TRIO: variants seen among roughly 807,000 people sequenced by gnomAD.
TRIO encodes trio Rho guanine nucleotide exchange factor.
A neutral mutation model predicts 351.9 loss-of-function variants in TRIO; 58 were observed. The observed-to-expected ratio is 0.16, with a 90% confidence interval of 0.13 to 0.21. The LOEUF is 0.21. Ranked by LOEUF, TRIO falls within the 10% of genes least tolerant of loss-of-function variation. The pLI, the probability that TRIO is intolerant of heterozygous loss-of-function variation, is 1.00. For synonymous variants in TRIO, 1,758 were observed against 1,595.7 expected (o/e 1.10, Z -2.42); for missense variants, 3,201 against 4,027.8 (o/e 0.79, Z 5.56).
At chr5:14,240,614 T>C (rs115580516) in intron 1 of TRIO, among the ~76,000 whole-genome samples, 259 of 152,348 alleles carry the variant, frequency 1.7e-3, no homozygotes, top group African/African-American at 5.9e-3. Context: ...CCCTTTCAGC[T>C]GCAGGGAGTG....
At position 14,485,988 on chromosome 5, in the gene TRIO, C is replaced by CA. The variant is rs376098052; in HGVS notation, c.6835+755dup. The stretch of plus-strand genomic sequence containing the variant: ...GGGCAACAAGAGTGAAACTCTGTCT[C>CA]AAAAAAAAAAAAAGAGACGGTTCAG... On this transcript the variant is annotated intron_variant, in intron 47 of 56. Coordinates refer to ENST00000344204, the MANE Select transcript of TRIO (RefSeq NM_007118.4). Among the ~76,000 whole-genome samples, 504 of 138,932 alleles carry CA rather than the reference C, an allele frequency of 3.6e-3. 1 individual carries two copies. The highest frequency in any genetic ancestry group is 6.7e-3 in the East Asian group (32 of 4,768). 91.1% of individuals were successfully genotyped at this position (138,932 alleles called of 152,430 possible).
chr5:14,498,249 C>T lies in TRIO; in HGVS notation c.8208C>T (p.Tyr2736=), dbSNP rs748349042. ...ACGATGGTCACTACAGCATCTCCTA[C>T]AGGTGAGGGAGGCCCACTCCTGGTG... ...LNNDGHYSIS[Y]SDLGEATLKI... Residue 2736 remains tyrosine, a splice_region_variant and synonymous_variant, in exon 52 of 57, where the codon TAC becomes TAT. Transcript: ENST00000344204. 3 of 1,613,906 alleles carry T rather than the reference C, an allele frequency of 1.9e-6. No homozygotes were observed. The highest frequency in any genetic ancestry group is 2.2e-5 in the South Asian group (2 of 91,072).
chr5:14,374,429 T>C lies in TRIO; in HGVS notation c.3331+86T>C, dbSNP rs557540106. Reference sequence around the variant, plus strand: ...AGCCTGCACGTTGTGTTCTGAACTCTCAACTTCAGTTTCATTTTAAATGTC... The same window carrying C: ...AGCCTGCACGTTGTGTTCTGAACTCCCAACTTCAGTTTCATTTTAAATGTC... On this transcript the variant is annotated intron_variant, in intron 19 of 56. Coordinates refer to ENST00000344204, the MANE Select transcript of TRIO (RefSeq NM_007118.4). The C allele has an allele frequency of 2.8e-5, 24 of 854,210 alleles. No homozygotes were observed. In the African/African-American group the frequency reaches 3.5e-4, roughly 12 times the overall value. 52.9% of individuals were successfully genotyped at this position (854,210 alleles called of 1,614,324 possible).
intron 34 of TRIO, among the ~76,000 whole-genome samples, chr5:14,449,333 A>G (rs531578259): frequency 5.8e-4 from 88 of 152,298 alleles, no homozygotes; most frequent in African/African-American, 2.1e-3. Flanking sequence ...GAAGCAGAGA[A>G]AGTCCCATGG....
chr5:14,305,749 C>T (rs1738307420), intron 8 of TRIO, among the ~76,000 whole-genome samples: 1 of 152,184 alleles, frequency 6.6e-6, no homozygotes, highest in Non-Finnish European at 1.5e-5. Context: ...ATCCTAGTGT[C>T]CCTGAGCGAA....
At chr5:14,410,514 G>T (rs531101745) in intron 33 of TRIO, among the ~76,000 whole-genome samples, 2 of 152,190 alleles carry the variant, frequency 1.3e-5, no homozygotes, top group Non-Finnish European at 2.9e-5. Context: ...TCTGCCCTAC[G>T]TAGTTTAAGT....
At chr5:14,251,822 A>G (rs1156589808) in intron 1 of TRIO, among the ~76,000 whole-genome samples, 2 of 152,206 alleles carry the variant, frequency 1.3e-5, no homozygotes, top group African/African-American at 2.4e-5. Flanking sequence ...CCATGGGATC[A>G]GGAACAGATT....
chr5:14,380,273 T>G (rs1745960058), intron 20 of TRIO, among the ~76,000 whole-genome samples: 1 of 27,534 alleles, frequency 3.6e-5, no homozygotes, highest in Non-Finnish European at 7.5e-5. Flanking sequence ...GCGCCCCGCC[T>G]CCTCCTTCGC....
At chr5:14,221,758 T>C in intron 1 of TRIO, among the ~76,000 whole-genome samples, 1 of 151,892 alleles carries the variant, frequency 6.6e-6, no homozygotes, top group Non-Finnish European at 1.5e-5. Context: ...AAGAAAGTGG[T>C]TTTTTGAGAT....
At chr5:14,379,661 C>T (rs1221303590) in intron 20 of TRIO, among the ~76,000 whole-genome samples, 1 of 152,236 alleles carries the variant, frequency 6.6e-6, no homozygotes, top group Non-Finnish European at 1.5e-5. Flanking sequence ...TCTTTTCTCA[C>T]ATAACTTTAT....
rs60827656 is a variant in TRIO, at chr5:14,202,294, A to ATTTTTTTT, written c.157+58441_157+58448dup. 7.4e-4 allele frequency among the ~76,000 whole-genome samples: 25 copies of ATTTTTTTT among 33,558 alleles called. 1 individual carries two copies. The highest frequency in any genetic ancestry group is 9.4e-4 in the Admixed American group (2 of 2,134). 22.0% of individuals were successfully genotyped at this position (33,558 alleles called of 152,430 possible). A position where few individuals can be genotyped will look rare whatever the true frequency, so the allele number is the denominator to read the frequency against. ...TTAAAACATTTTGAATATTTTTGTG[A>ATTTTTTTT]TTTTTTTTTTTTTTTTTTTTTTTTT... On this transcript the variant is annotated intron_variant, in intron 1 of 56. Coordinates refer to ENST00000344204, the MANE Select transcript of TRIO (RefSeq NM_007118.4).
chr5:14,174,820 T>G (rs1789310896), intron 1 of TRIO, among the ~76,000 whole-genome samples: 1 of 152,216 alleles, frequency 6.6e-6, no homozygotes, highest in African/African-American at 2.4e-5. Flanking sequence ...TTCGTGGATC[T>G]CAATAAAATT....
chr5:14,143,776 C>T lies in TRIO; in HGVS notation c.51C>T (p.Pro17=). 9.9e-7 allele frequency: 1 copy of T among 1,014,352 alleles called. No homozygotes were observed. The highest frequency in any genetic ancestry group is 1.2e-6 in the Non-Finnish European group (1 of 850,856). 62.8% of individuals were successfully genotyped at this position (1,014,352 alleles called of 1,614,324 possible). A position where few individuals can be genotyped will look rare whatever the true frequency, so the allele number is the denominator to read the frequency against. The part of the protein sequence containing the change: ...GAAAPAASSG[P]AAAASAAGSG... ...CCGCCCCCGCCGCGTCCTCCGGCCC[C>T]GCCGCGGCGGCCAGCGCGGCTGGCT... The change falls in exon 1 of 57, where the codon CCC becomes CCT. Residue 17 remains proline (P), a synonymous_variant. Coordinates refer to ENST00000344204, the MANE Select transcript of TRIO (RefSeq NM_007118.4).
intron 1 of TRIO, among the ~76,000 whole-genome samples, chr5:14,245,360 G>A (rs187675402): frequency 1.1e-4 from 17 of 152,336 alleles, no homozygotes; most frequent in Admixed American, 9.1e-4. Flanking sequence ...TAGGATCAGT[G>A]TACGGTTTTC....
At chr5:14,301,589 A>G (rs988930056) in intron 7 of TRIO, among the ~76,000 whole-genome samples, 1 of 152,148 alleles carries the variant, frequency 6.6e-6, no homozygotes, top group African/African-American at 2.4e-5. Context: ...ATGTGTGTGT[A>G]TGTGTATCAG....
At chr5:14,172,029 T>C (rs1789126777) in intron 1 of TRIO, among the ~76,000 whole-genome samples, 1 of 152,218 alleles carries the variant, frequency 6.6e-6, no homozygotes, top group Admixed American at 6.5e-5. Context: ...AGTAGTGCAT[T>C]GAGCATCTGA....
At chr5:14,168,733 T>C (rs1788927275) in intron 1 of TRIO, among the ~76,000 whole-genome samples, 1 of 152,234 alleles carries the variant, frequency 6.6e-6, no homozygotes, top group South Asian at 2.1e-4. Context: ...ATACTATCAT[T>C]TGTGGTTTAA....
At chr5:14,385,241 T>C (rs1746437936) in intron 21 of TRIO, among the ~76,000 whole-genome samples, 1 of 152,222 alleles carries the variant, frequency 6.6e-6, no homozygotes, top group Admixed American at 6.5e-5. Context: ...TCTCACAATG[T>C]GTGTTACGGC....
At chr5:14,301,770 C>T (rs773483571) in intron 7 of TRIO, among the ~76,000 whole-genome samples, 3 of 152,168 alleles carry the variant, frequency 2.0e-5, no homozygotes, top group African/African-American at 4.8e-5. Context: ...CCATGCATCT[C>T]GGAACGGGGA....
Sources: gnomAD v4.1 joint callset for allele counts (sites outside exome capture counted in the v4.1 genomes callset) on GRCh38, gnomAD v4.1.1 for gene constraint, MANE v1.5 for transcripts, NCBI Gene and HGNC (gene_info 2026-07-23, HGNC 2026-07-21) for gene names.